The following SMUG1 variants were observed in gnomAD, a reference collection of about 807,000 sequenced individuals.
SMUG1 encodes single-strand-selective monofunctional uracil-DNA glycosylase 1.
A neutral mutation model predicts 23.9 loss-of-function variants in SMUG1; 13 were observed. That is an observed-to-expected ratio of 0.54 (90% CI 0.35 to 0.86). The LOEUF is 0.86. Ranked by LOEUF, SMUG1 falls within the 40% of genes least tolerant of loss-of-function variation. The probability of loss-of-function intolerance (pLI) is 0.01; values close to 1 mark genes in which losing one functional copy is unlikely to be tolerated. For synonymous variants in SMUG1, 133 were observed against 139.8 expected (o/e 0.95, Z 0.34); for missense variants, 313 against 339.5 (o/e 0.92, Z 0.61).
chr12:54,186,271 A>C lies in SMUG1; in HGVS notation c.-20+1548T>G, dbSNP rs545374062. On this transcript the variant is annotated intron_variant, in intron 2 of 3. Coordinates refer to ENST00000682136, the MANE Select transcript of SMUG1 (RefSeq NM_001243787.2). Reference sequence around the variant, plus strand: ...CTCAGAACACTGCAGTATTTGCCATAGTGTCCCAACCCCACCCCCAACACA... The same window carrying C: ...CTCAGAACACTGCAGTATTTGCCATCGTGTCCCAACCCCACCCCCAACACA... 2.0e-5 allele frequency among the ~76,000 whole-genome samples: 3 copies of C among 152,120 alleles called. No homozygotes were observed. In the South Asian group the frequency reaches 6.2e-4, roughly 32 times the overall value.
downstream of SMUG1, among the ~76,000 whole-genome samples, chr12:54,160,249 C>T (rs2136526587): frequency 6.6e-6 from 1 of 152,364 alleles, no homozygotes; most frequent in South Asian, 2.1e-4. Context: ...CAAATGCCCT[C>T]ATTAGAGATG....
intron 2 of SMUG1, chr12:54,187,271 G>A (rs1404658017): frequency 3.9e-5 from 6 of 152,150 alleles, no homozygotes; most frequent in East Asian, 3.9e-4. Flanking sequence ...ACAACAGCTC[G>A]ATAAACCTAT....
At chr12:54,168,668 T>G (rs1416132405) in intron 3 of SMUG1, 2 of 152,212 alleles carry the variant, frequency 1.3e-5, no homozygotes, top group African/African-American at 4.8e-5. Flanking sequence ...GTGTGCAGAC[T>G]GCAGAGGATG....
downstream of SMUG1, among the ~76,000 whole-genome samples, chr12:54,160,410 G>A (rs1169716441): frequency 6.6e-6 from 1 of 152,226 alleles, no homozygotes; most frequent in Non-Finnish European, 1.5e-5. Flanking sequence ...GTCCTGAGGA[G>A]GGGTAGGGAA....
intron 1 of SMUG1, among the ~76,000 whole-genome samples, chr12:54,188,295 AAATAATAATAATAATAATAAT>A (rs757369651): frequency 8.7e-5 from 6 of 68,894 alleles, no homozygotes; most frequent in African/African-American, 2.2e-4. Flanking sequence ...TAATAATAAT[AAATAATAATAATAATAATAAT>A]AATAATAATA....
chr12:54,181,154 T>C lies in SMUG1; in HGVS notation c.*942A>G, dbSNP rs1941011919. 1 of 176,494 alleles carries C rather than the reference T, an allele frequency of 5.7e-6. No homozygotes were observed. Among genetic ancestry groups the C allele is most frequent in the Non-Finnish European group, 1.2e-5 (1 of 83,116 alleles). 10.9% of individuals were successfully genotyped at this position (176,494 alleles called of 1,614,324 possible). On this transcript the variant is annotated 3_prime_UTR_variant, in exon 4 of 4. Transcript: ENST00000682136. ...ACAAGACAAAAGGCTTTAGGAGCTC[T>C]TAATGCTTAGAGTGAAAAAAAATCA...
intron 4 of SMUG1, among the ~76,000 whole-genome samples, chr12:54,159,419 C>A (rs1250902934): frequency 5.9e-5 from 9 of 152,052 alleles, no homozygotes; most frequent in Admixed American, 5.9e-4. Context: ...TCAGGGCTGT[C>A]GGGGACAACC....
chr12:54,184,234 T>C, intron 2 of SMUG1: 1 of 307,518 alleles, frequency 3.3e-6, no homozygotes, highest in Non-Finnish European at 6.0e-6. Flanking sequence ...CAAATCTCCT[T>C]TCCATCAGGC....
At chr12:54,159,939 C>T (rs1299611199), downstream of SMUG1, among the ~76,000 whole-genome samples, 1 of 152,230 alleles carries the variant, frequency 6.6e-6, no homozygotes, top group Non-Finnish European at 1.5e-5. Context: ...GGCGTGTTGA[C>T]CTTGTGCCTT....
intron 1 of SMUG1, among the ~76,000 whole-genome samples, chr12:54,188,295 AAATAAT>A (rs757369651): frequency 0.034 from 2,349 of 68,818 alleles, 35 homozygotes; most frequent in Admixed American, 0.042. Flanking sequence ...TAATAATAAT[AAATAAT>A]AATAATAATA....
downstream of SMUG1, among the ~76,000 whole-genome samples, chr12:54,176,647 A>G (rs548398356): frequency 2.0e-5 from 3 of 151,486 alleles, no homozygotes; most frequent in Admixed American, 2.0e-4. Context: ...TCTACTAAAA[A>G]TACAAAAAAA....
intron 3 of SMUG1, among the ~76,000 whole-genome samples, chr12:54,166,833 A>C (rs1206428021): frequency 6.6e-6 from 1 of 152,080 alleles, no homozygotes; most frequent in Non-Finnish European, 1.5e-5. Context: ...CCAGACTTGC[A>C]AGCCAGACTC....
intron 2 of SMUG1, among the ~76,000 whole-genome samples, chr12:54,174,256 A>G (rs112167516): frequency 0.01 from 1,564 of 152,330 alleles, 35 homozygotes; most frequent in African/African-American, 0.035. Flanking sequence ...CCAGGGTTGA[A>G]GGCAAACCCC....
rs1458793861 is a variant in SMUG1, at chr12:54,181,933, A to C, written c.*163T>G. On this transcript the variant is annotated 3_prime_UTR_variant, in exon 4 of 4. Coordinates refer to ENST00000682136, the MANE Select transcript of SMUG1 (RefSeq NM_001243787.2). ...AAACAGGAGTAGTGTCAAAACTGCC[A>C]TGGCAGGTTGGAAGACAGTTCAACA... The C allele has an allele frequency of 2.0e-6, 3 of 1,465,832 alleles. No homozygotes were observed. The highest frequency in any genetic ancestry group is 9.0e-7 in the Non-Finnish European group (1 of 1,111,988). 90.8% of individuals were successfully genotyped at this position (1,465,832 alleles called of 1,614,324 possible). A position where few individuals can be genotyped will look rare whatever the true frequency, so the allele number is the denominator to read the frequency against.
chr12:54,165,171 G>C (rs1183096019), intron 4 of SMUG1: 1 of 152,142 alleles, frequency 6.6e-6, no homozygotes, highest in South Asian at 2.1e-4. Flanking sequence ...CTTCAAGTTA[G>C]CTTTCTGTTC....
intron 3 of SMUG1, chr12:54,183,096 C>T (rs1457437665): frequency 4.9e-5 from 9 of 183,142 alleles, no homozygotes; most frequent in Admixed American, 4.1e-4. Flanking sequence ...TCAATAAAAG[C>T]GATTGAGCCT....
chr12:54,168,991 ACT>A (rs1349309177), intron 3 of SMUG1, among the ~76,000 whole-genome samples: 1 of 152,162 alleles, frequency 6.6e-6, no homozygotes, highest in Non-Finnish European at 1.5e-5. Context: ...TGCTCAGCTC[ACT>A]GACTTCCTCT....
intron 3 of SMUG1, among the ~76,000 whole-genome samples, chr12:54,167,698 A>C (rs917743537): frequency 1.3e-5 from 2 of 152,042 alleles, no homozygotes; most frequent in Non-Finnish European, 2.9e-5. Context: ...TTCCTCCTAC[A>C]TCCTTCCTCC....
intron 1 of SMUG1, chr12:54,188,424 G>A (rs1469126296): frequency 1.3e-5 from 2 of 151,214 alleles, no homozygotes; most frequent in African/African-American, 4.9e-5. Context: ...TCAGGACTTC[G>A]AGACCAGCCT....
Sources: allele counts gnomAD v4.1 joint callset (sites outside exome capture counted in the v4.1 genomes callset), GRCh38; gene constraint gnomAD v4.1.1; transcripts MANE v1.5; gene names NCBI Gene and HGNC (gene_info 2026-07-23, HGNC 2026-07-21).